Variants in CDK12 observed in about 807,000 individuals in gnomAD.
CDK12 encodes the protein cyclin dependent kinase 12.
A neutral mutation model predicts 133.8 loss-of-function variants in CDK12; 17 were observed. The observed-to-expected ratio is 0.13, with a 90% CI of 0.09 to 0.19. The LOEUF (loss-of-function observed/expected upper bound fraction) is 0.19. Among genes scored for constraint, CDK12 ranks in the 10% least tolerant of loss-of-function variants. The pLI, the probability that CDK12 is intolerant of heterozygous loss-of-function variation, is 1.00. For missense variants in CDK12, 1,508 were observed against 1,818.7 expected (o/e 0.83, Z 3.11); for synonymous variants, 694 against 683.6 (o/e 1.02, Z -0.24).
intron 3 of CDK12, among the ~76,000 whole-genome samples, chr17:39,561,068 G>A (rs2056357150): frequency 6.6e-6 from 1 of 152,158 alleles, no homozygotes; most frequent in Non-Finnish European, 1.5e-5. Context: ...CTGTGCCCTT[G>A]AAATTGTTTC....
rs2054775202 is a variant in CDK12 at position 39,530,629 on chromosome 17, A to G, written c.3786A>G (p.Pro1262=). The change falls in exon 14 of 14, where the codon CCA becomes CCG. Residue 1262 remains proline, a synonymous_variant. Transcript: ENST00000447079. ...AAACPPHILP[P]EKRPPEPPGP... is the part of the protein sequence containing the mutation. ...CATGTCCTCCTCACATTCTTCCACC[A>G]GAGAAGAGGCCCCCTGAGCCCCCCG... The G allele has an allele frequency of 3.7e-6, 6 of 1,603,586 alleles. No homozygotes were observed. The East Asian group carries it at 1.3e-4, about 36-fold the overall frequency.
chr17:39,524,295 T>G (rs2146677876), intron 11 of CDK12, among the ~76,000 whole-genome samples: 1 of 152,350 alleles, frequency 6.6e-6, no homozygotes. Flanking sequence ...ACCTTCTGTA[T>G]ACATTAACAA....
chr17:39,548,871 C>T (rs1597691774), upstream of CDK12: 1 of 152,458 alleles, frequency 6.6e-6, no homozygotes, highest in East Asian at 1.9e-4. Flanking sequence ...AGGGACATGA[C>T]AGAGGTTCTC....
intron 13 of CDK12, 80 bp downstream of exon 13, chr17:39,526,396 C>A: frequency 1.8e-6 from 2 of 1,108,306 alleles, no homozygotes; most frequent in Non-Finnish European, 2.5e-6. Flanking sequence ...TTTTTTTTCC[C>A]CCACATCAAT....
chr17:39,478,354 G>T (rs2145437851), intron 2 of CDK12, among the ~76,000 whole-genome samples: 1 of 151,832 alleles, frequency 6.6e-6, no homozygotes, highest in Non-Finnish European at 1.5e-5. Context: ...ACCATATCCG[G>T]ATAATTTTTT....
chr17:39,519,332 G>A (rs1255520568), intron 10 of CDK12, among the ~76,000 whole-genome samples: 7 of 101,682 alleles, frequency 6.9e-5, no homozygotes, highest in Non-Finnish European at 1.2e-4. Context: ...TTTTGAGACC[G>A]TCTCACTCTG....
intron 2 of CDK12, among the ~76,000 whole-genome samples, chr17:39,488,459 C>T (rs755263961): frequency 7.2e-5 from 11 of 152,030 alleles, no homozygotes; most frequent in Non-Finnish European, 1.5e-4. Flanking sequence ...TTGAAGTGAA[C>T]GGAATGATTC....
upstream of CDK12, among the ~76,000 whole-genome samples, chr17:39,545,330 G>C (rs1597676370): frequency 6.6e-6 from 1 of 152,076 alleles, no homozygotes; most frequent in East Asian, 1.9e-4. Flanking sequence ...TGGGACTAGA[G>C]GCGTGTGCCA....
At chr17:39,529,242 A>G (rs1247118382) in intron 13 of CDK12, among the ~76,000 whole-genome samples, 1 of 152,120 alleles carries the variant, frequency 6.6e-6, no homozygotes, top group East Asian at 1.9e-4. Flanking sequence ...CATCTTTTGT[A>G]CTGTACAACC....
rs149012249 is a variant in CDK12, at chr17:39,489,714, G to A, written c.1932-843G>A. 8.3e-3 allele frequency among the ~76,000 whole-genome samples: 1,195 copies of A among 143,484 alleles called. 17 individuals are homozygous for A. The highest frequency in any genetic ancestry group is 0.03 in the African/African-American group (1,144 of 38,674). The allele number at this position is 143,484 out of a possible 152,430, so 94.1% of individuals were successfully genotyped here. ...TCCCTATGTTGGCCAGGCTGGTCTC[G>A]AACTTTTGATCTCGTGATCTGCCCG... On this transcript the variant is annotated intron_variant, in intron 2 of 13. Coordinates refer to ENST00000447079, the MANE Select transcript of CDK12 (RefSeq NM_016507.4).
At chr17:39,512,912 T>A (rs770929279) in intron 8 of CDK12, among the ~76,000 whole-genome samples, 1 of 152,228 alleles carries the variant, frequency 6.6e-6, no homozygotes, top group Non-Finnish European at 1.5e-5. Context: ...ACTTATTTCA[T>A]GTATTTTAAT....
At chr17:39,497,721 A>G (rs2052238229) in intron 5 of CDK12, among the ~76,000 whole-genome samples, 1 of 151,856 alleles carries the variant, frequency 6.6e-6, no homozygotes, top group Non-Finnish European at 1.5e-5. Flanking sequence ...TCCATGCCTC[A>G]TCCTCCTGAT....
At chr17:39,483,444 T>A (rs1471628710) in intron 2 of CDK12, among the ~76,000 whole-genome samples, 1 of 151,888 alleles carries the variant, frequency 6.6e-6, no homozygotes, top group Non-Finnish European at 1.5e-5. Context: ...TTTGTACTTT[T>A]TTGTAGAGAT....
intron 2 of CDK12, among the ~76,000 whole-genome samples, chr17:39,478,689 A>G (rs1343858221): frequency 6.6e-6 from 1 of 152,092 alleles, no homozygotes; most frequent in East Asian, 1.9e-4. Flanking sequence ...AAAAGGCATG[A>G]TAGCATGCAC....
downstream of CDK12, among the ~76,000 whole-genome samples, chr17:39,537,706 G>A (rs1444170781): frequency 1.3e-5 from 2 of 151,820 alleles, no homozygotes; most frequent in Admixed American, 6.6e-5. Flanking sequence ...GGGATTACAG[G>A]TGCGTGCCAC....
Position 39,490,541 on chromosome 17 carries a change from C to A in CDK12, c.1932-16C>A. ...TTTAATTGTAATTTTGTCATCTCTT[C>A]TCATTTATTGTTTAGTCCAAAAGAA... On this transcript the variant is annotated splice_polypyrimidine_tract_variant and intron_variant, in intron 2 of 13. Transcript: ENST00000447079. 1 of 1,562,556 alleles carries A rather than the reference C, an allele frequency of 6.4e-7. No individual in the cohort carries two copies. The highest frequency in any genetic ancestry group is 8.7e-7 in the Non-Finnish European group (1 of 1,150,528).
chr17:39,464,929 G>A (rs535800152), intron 1 of CDK12, among the ~76,000 whole-genome samples: 1 of 150,636 alleles, frequency 6.6e-6, no homozygotes, highest in Admixed American at 6.7e-5. Flanking sequence ...TCCAGCCTGA[G>A]CAACAGAGTG....
At chr17:39,565,981 G>A (rs187588214), downstream of CDK12, among the ~76,000 whole-genome samples, 23 of 152,306 alleles carry the variant, frequency 1.5e-4, no homozygotes, top group African/African-American at 5.3e-4. Context: ...GCCTAGGCCT[G>A]TATGTAGAGT....
chr17:39,527,917 T>C lies in CDK12; in HGVS notation c.3760+1601T>C, dbSNP rs182790657. On this transcript the variant is annotated intron_variant, in intron 13 of 13. Transcript: ENST00000447079. ...GTTGTCAATCCTGAAAGTCCGTACT[T>C]TTTTTTTGTTTGTTTTGAGACAGAG... 4.8e-4 allele frequency among the ~76,000 whole-genome samples: 73 copies of C among 151,704 alleles called. 1 individual carries two copies. The highest frequency in any genetic ancestry group is 2.0e-3 in the Admixed American group (30 of 15,214).
Sources: gnomAD v4.1 joint callset for allele counts (sites outside exome capture counted in the v4.1 genomes callset) on GRCh38, gnomAD v4.1.1 for gene constraint, MANE v1.5 for transcripts, NCBI Gene and HGNC (gene_info 2026-07-23, HGNC 2026-07-21) for gene names.